RS1: variants seen among roughly 807,000 people sequenced by gnomAD.
RS1 encodes retinoschisin.
Under a neutral mutation model 20.8 loss-of-function variants are expected in RS1, and 2 were observed. That is an observed-to-expected ratio of 0.10 (90% CI 0.04 to 0.30). The LOEUF (loss-of-function observed/expected upper bound fraction) is 0.30, where lower values mean the gene tolerates loss of function less well. RS1 is among the 10% of genes least tolerant of loss of function. The pLI, the probability that RS1 is intolerant of heterozygous loss-of-function variation, is 1.00. For synonymous variants in RS1, 70 were observed against 75.8 expected (o/e 0.92, Z 0.40); for missense variants, 151 against 189.8 (o/e 0.80, Z 1.20).
chrX:18,656,840 T>A lies in RS1; in HGVS notation c.79-82A>T. ...GCCCCCACGGAGTGATCACACTCAG[T>A]CCTTATGCATCGTCTATAGCAGCTT... On this transcript the variant is annotated intron_variant, in intron 2 of 5. Coordinates refer to ENST00000379984, the MANE Select transcript of RS1 (RefSeq NM_000330.4). 25 of 750,729 alleles carry A rather than the reference T, an allele frequency of 3.3e-5. No homozygotes were observed. In the South Asian group the frequency reaches 5.2e-4, roughly 16 times the overall value. The allele number at this position is 750,729 out of a possible 1,213,427, so 61.9% of individuals were successfully genotyped here. A position where few individuals can be genotyped will look rare whatever the true frequency, so the allele number is the denominator to read the frequency against.
At chrX:18,671,066 G>A in intron 1 of RS1, among the ~76,000 whole-genome samples, 1 of 112,172 alleles carries the variant, frequency 8.9e-6, no homozygotes, top group Non-Finnish European at 1.9e-5. Context: ...GGCTGAGGCA[G>A]GAGGATGGCT....
chrX:18,652,679 A>C (rs1440800026), intron 3 of RS1, among the ~76,000 whole-genome samples: 2 of 111,199 alleles, frequency 1.8e-5, no homozygotes, highest in Non-Finnish European at 3.8e-5. Flanking sequence ...AAAAAAAAAA[A>C]CTAAGGGGAT....
intron 4 of RS1, chrX:18,645,896 C>T (rs1927750477): frequency 8.6e-7 from 1 of 1,163,479 alleles, no homozygotes; most frequent in Non-Finnish European, 1.2e-6. Context: ...GGCCCCCTAA[C>T]CAAACTCTGG....
intron 1 of RS1, among the ~76,000 whole-genome samples, chrX:18,659,497 A>G (rs1471939066): frequency 9.0e-6 from 1 of 110,598 alleles, no homozygotes. Flanking sequence ...AAAATTATCA[A>G]AATAAAAAGT....
intron 1 of RS1, among the ~76,000 whole-genome samples, chrX:18,666,971 C>A (rs1928415648): frequency 9.0e-6 from 1 of 111,217 alleles, no homozygotes; most frequent in Admixed American, 9.6e-5. Context: ...CTAGGGGACA[C>A]CCCAGTGTTG....
At chrX:18,647,564 TA>T (rs1374224853) in intron 3 of RS1, 2 of 410,647 alleles carry the variant, frequency 4.9e-6, no homozygotes, top group African/African-American at 5.0e-5. Flanking sequence ...ACAGCCTTTG[TA>T]AAAGCAGAGG....
In RS1 at chrX:18,656,666, C is replaced by T. The variant is rs1214090213; in HGVS notation, c.171G>A (p.Leu57=). The T allele has an allele frequency of 8.3e-6, 10 of 1,206,578 alleles. No homozygotes were observed. The highest frequency in any genetic ancestry group is 1.0e-5 in the Non-Finnish European group (9 of 891,083). The stretch of plus-strand genomic sequence containing the variant: ...GGGGATACTCACCTGGTATACAGTC[C>T]AAGGAGGTGGCACCTGCAGACCACA... ...NALWSAGATS[L]DCIPECPYHK... Residue 57 remains leucine, a synonymous_variant, in exon 3 of 6, where the codon TTG becomes TTA. Transcript: ENST00000379984.
At chrX:18,645,972 A>G in intron 4 of RS1, 2 of 1,210,074 alleles carry the variant, frequency 1.7e-6, no homozygotes, top group Non-Finnish European at 2.2e-6. Context: ...AGTCATGCGC[A>G]CTCTGCTGCT....
intron 1 of RS1, among the ~76,000 whole-genome samples, chrX:18,669,487 C>CAAAAAAAAAAAAAAAAAAAAAAAAAA (rs386416704): frequency 5.1e-5 from 3 of 58,908 alleles, no homozygotes; most frequent in Non-Finnish European, 5.7e-5. Context: ...GTGAAATTCT[C>CAAAAAAAAAAAAAAAAAAAAAAAAAA]AAAAAAAAAA....
chrX:18,655,986 CTTTTT>C (rs56213978), intron 3 of RS1, among the ~76,000 whole-genome samples: 1 of 50,826 alleles, frequency 2.0e-5, no homozygotes, highest in Non-Finnish European at 3.5e-5. Flanking sequence ...TTTTCTTTTC[CTTTTT>C]TTTTTTTTTT....
intron 3 of RS1, chrX:18,650,271 G>T: frequency 1.8e-6 from 1 of 566,039 alleles, no homozygotes. Flanking sequence ...AGACCCGTGT[G>T]TCCAGACGTG....
At chrX:18,648,124 C>T (rs1209361610) in intron 3 of RS1, among the ~76,000 whole-genome samples, 1 of 111,145 alleles carries the variant, frequency 9.0e-6, no homozygotes, top group Non-Finnish European at 1.9e-5. Context: ...ATCGCTTGAA[C>T]CCGGGAGGCA....
Position 18,661,813 on chromosome X carries a change from C to T in RS1, c.53-4148G>A, listed in dbSNP as rs188694141. Reference sequence around the variant, plus strand: ...TCAACGCCTTCTGCACGTCCAGCCACTTGTGTCTTCTTCCGCCAATGTGCT... The same window carrying T: ...TCAACGCCTTCTGCACGTCCAGCCATTTGTGTCTTCTTCCGCCAATGTGCT... On this transcript the variant is annotated intron_variant, in intron 1 of 5. Coordinates refer to ENST00000379984, the MANE Select transcript of RS1 (RefSeq NM_000330.4). Among the ~76,000 whole-genome samples, 996 of 112,526 alleles carry T rather than the reference C, an allele frequency of 8.9e-3. 12 individuals are homozygous for T. The highest frequency in any genetic ancestry group is 0.031 in the African/African-American group (950 of 31,005).
At position 18,657,817 on chromosome X, in the gene RS1, G is replaced by C. The variant is rs190408940; in HGVS notation, c.53-152C>G. 2.8e-5 allele frequency: 14 copies of C among 498,798 alleles called. No homozygotes were observed. In the East Asian group the frequency reaches 4.4e-4, roughly 16 times the overall value. The allele number at this position is 498,798 out of a possible 1,213,427, so 41.1% of individuals were successfully genotyped here. On this transcript the variant is annotated intron_variant, in intron 1 of 5. Transcript: ENST00000379984. ...AGTCATGGTGAGTAAATATCTGCCA[G>C]GAAAAACATCCGCAGATGCTAAGAA...
intron 5 of RS1, 107 bp downstream of exon 5, chrX:18,644,323 G>T: frequency 1.5e-6 from 1 of 683,684 alleles, no homozygotes; most frequent in Non-Finnish European, 2.4e-6. Flanking sequence ...GATCCACTGT[G>T]CTGTGGAGTC....
At chrX:18,659,526 C>T (rs1316153163) in intron 1 of RS1, among the ~76,000 whole-genome samples, 1 of 111,914 alleles carries the variant, frequency 8.9e-6, no homozygotes, top group Non-Finnish European at 1.9e-5. Flanking sequence ...TCAGTCAAGC[C>T]AGCCACATTT....
intron 1 of RS1, among the ~76,000 whole-genome samples, chrX:18,663,962 G>T (rs980114883): frequency 8.0e-5 from 9 of 111,863 alleles, no homozygotes; most frequent in African/African-American, 9.8e-5. Flanking sequence ...GCTGGTGGGG[G>T]TGCAAGGTGG....
intron 1 of RS1, among the ~76,000 whole-genome samples, chrX:18,669,672 G>T (rs1174420845): frequency 9.0e-6 from 1 of 110,967 alleles, no homozygotes. Context: ...TTTGTCTTCA[G>T]GTTCCCAGCT....
chrX:18,651,599 C>T (rs889630227), intron 3 of RS1, among the ~76,000 whole-genome samples: 6 of 111,058 alleles, frequency 5.4e-5, no homozygotes, highest in Non-Finnish European at 1.1e-4. Context: ...ACCCATGAGA[C>T]GTCTGCCTTC....
Sources: gnomAD v4.1 joint callset for allele counts (sites outside exome capture counted in the v4.1 genomes callset) on GRCh38, gnomAD v4.1.1 for gene constraint, MANE v1.5 for transcripts, NCBI Gene and HGNC (gene_info 2026-07-23, HGNC 2026-07-21) for gene names.